Variants in COPA observed in about 807,000 individuals in gnomAD.
COPA encodes coatomer subunit alpha.
COPA carries 10 observed loss-of-function variants against 158.7 expected under a neutral mutation model. The observed-to-expected ratio is 0.06, with a 90% CI of 0.04 to 0.11. The LOEUF is 0.11. Ranked by LOEUF, COPA falls within the 10% of genes least tolerant of loss-of-function variation. COPA has a pLI of 1.00. For missense variants in COPA, 1,065 were observed against 1,536.7 expected (o/e 0.69, Z 5.13); for synonymous variants, 462 against 542.8 (o/e 0.85, Z 2.07).
chr1:160,307,188 A>T lies in COPA; in HGVS notation c.1277T>A (p.Phe426Tyr). Residue 426 changes from phenylalanine to tyrosine, a missense_variant, in exon 14 of 33, where the codon TTT becomes TAT. This residue lies in a region of COPA where 980 missense variants were observed against 1,357.8 expected (regional missense o/e 0.72). Transcript: ENST00000241704. ...CGAATGCATCCGATCTAGGACAGCA[A>T]ACCGATTTCGAGCGACCCAAACGGC... is the stretch of plus-strand genomic sequence containing the variant. ...LTAVWVARNR[F>Y]AVLDRMHSLL... 6.2e-7 allele frequency: 1 copy of T among 1,614,230 alleles called. No homozygotes were observed. The highest frequency in any genetic ancestry group is 8.5e-7 in the Non-Finnish European group (1 of 1,180,036).
chr1:160,339,705 A>AT, intron 3 of COPA: 1 of 500,788 alleles, frequency 2.0e-6, no homozygotes. Flanking sequence ...TTTCTTATTT[A>AT]TTTTTGAATT....
At chr1:160,331,912 C>A (rs970579987) in intron 6 of COPA, among the ~76,000 whole-genome samples, 1 of 151,436 alleles carries the variant, frequency 6.6e-6, no homozygotes, top group East Asian at 1.9e-4. Context: ...CACACCACTG[C>A]GCTCCAGCCT....
intron 25 of COPA, among the ~76,000 whole-genome samples, chr1:160,294,272 C>G (rs965722849): frequency 3.3e-5 from 5 of 152,184 alleles, no homozygotes; most frequent in Admixed American, 1.3e-4. Context: ...GGATTACAGG[C>G]ATGAGTCACC....
At chr1:160,309,054 G>T in intron 13 of COPA, 47 bp downstream of exon 13, 1 of 1,444,536 alleles carries the variant, frequency 6.9e-7, no homozygotes, top group Non-Finnish European at 9.7e-7. Context: ...TATGATGCGG[G>T]TGAGGAGAGC....
At chr1:160,338,091 A>T (rs1647857772) in intron 3 of COPA, among the ~76,000 whole-genome samples, 1 of 152,242 alleles carries the variant, frequency 6.6e-6, no homozygotes, top group Non-Finnish European at 1.5e-5. Context: ...TTTCTTTTCC[A>T]AAATATTAGT....
chr1:160,337,579 C>T lies in COPA; in HGVS notation c.229-2257G>A, dbSNP rs1272165387. On this transcript the variant is annotated intron_variant, in intron 3 of 32. Coordinates refer to ENST00000241704, the MANE Select transcript of COPA (RefSeq NM_004371.4). Reference sequence around the variant, plus strand: ...TACTAAAAATACAAAATTAGCCGGGCTTGGTGGCGCATGCCTGTAATTCCA... The same window carrying T: ...TACTAAAAATACAAAATTAGCCGGGTTTGGTGGCGCATGCCTGTAATTCCA... Among the ~76,000 whole-genome samples, 3 of 152,102 alleles carry T rather than the reference C, an allele frequency of 2.0e-5. No homozygotes were observed. The East Asian group carries it at 5.8e-4, about 29-fold the overall frequency.
chr1:160,308,893 T>C lies in COPA; in HGVS notation c.1219+208A>G, dbSNP rs976989514. ...TTTCTAATAACCAAATTATAAAATA[T>C]ATATATCTAGCTGGGGTAATAAAAT... On this transcript the variant is annotated intron_variant, in intron 13 of 32. Coordinates refer to ENST00000241704, the MANE Select transcript of COPA (RefSeq NM_004371.4). 9 of 485,634 alleles carry C rather than the reference T, an allele frequency of 1.9e-5. No homozygotes were observed. In the South Asian group the frequency reaches 3.3e-4, roughly 18 times the overall value. The allele number at this position is 485,634 out of a possible 1,614,324, so 30.1% of individuals were successfully genotyped here.
At position 160,290,563 on chromosome 1, in the gene COPA, C is replaced by G; in HGVS notation, c.3544G>C (p.Val1182Leu). 1 of 1,614,238 alleles carries G rather than the reference C, an allele frequency of 6.2e-7. No homozygotes were observed. The highest frequency in any genetic ancestry group is 8.5e-7 in the Non-Finnish European group (1 of 1,180,034). The stretch of plus-strand genomic sequence containing the variant: ...GCCCCACTGAGTGGACACTTTTCTA[C>G]TGGCTTTCCACGGTAGATGGGCCGA... ...SYRPIYRGKP[V>L]EKCPLSGACY... The change falls in exon 32 of 33, where the codon GTA (valine) becomes CTA (leucine). Residue 1182 changes from valine to leucine, a missense_variant. Transcript: ENST00000241704.
At chr1:160,335,883 C>CAAA (rs10562824) in intron 3 of COPA, among the ~76,000 whole-genome samples, 19 of 67,982 alleles carry the variant, frequency 2.8e-4, no homozygotes, top group East Asian at 4.4e-4. Context: ...GACTCAGTCT[C>CAAA]AAAAAAAAAA....
At chr1:160,335,151 A>G in intron 4 of COPA, 91 bp downstream of exon 4, 2 of 1,169,260 alleles carry the variant, frequency 1.7e-6, no homozygotes, top group Non-Finnish European at 2.4e-6. Context: ...AAACAACTCT[A>G]TTATTAAAAC....
chr1:160,329,735 TAGA>T (rs1256380043), intron 6 of COPA, among the ~76,000 whole-genome samples: 12 of 152,240 alleles, frequency 7.9e-5, no homozygotes, highest in African/African-American at 2.9e-4. Context: ...ATACCATTCT[TAGA>T]AGAACTACGA....
intron 1 of COPA, 106 bp downstream of exon 1, chr1:160,343,025 T>C: frequency 7.3e-7 from 1 of 1,367,862 alleles, no homozygotes; most frequent in East Asian, 2.3e-5. Flanking sequence ...TCCGGGTCCG[T>C]CTGGTGGGCC....
In COPA at chr1:160,313,067, A is replaced by G. The variant is rs200512734; in HGVS notation, c.925+18T>C. Reference sequence around the variant, plus strand: ...ACTTTGAATTAAGCAAAGAAAAAAGAGAGAAAATGGCCCTTACCTGCTGCA... The same window carrying G: ...ACTTTGAATTAAGCAAAGAAAAAAGGGAGAAAATGGCCCTTACCTGCTGCA... On this transcript the variant is annotated intron_variant, in intron 10 of 32. Coordinates refer to ENST00000241704, the MANE Select transcript of COPA (RefSeq NM_004371.4). The G allele has an allele frequency of 3.1e-4, 500 of 1,606,850 alleles. No homozygotes were observed. The highest frequency in any genetic ancestry group is 3.2e-5 in the Non-Finnish European group (38 of 1,175,972).
Position 160,317,378 on chromosome 1 carries a change from C to A in COPA, c.707-3253G>T. 5 of 1,600,358 alleles carry A rather than the reference C, an allele frequency of 3.1e-6. No individual in the cohort carries two copies. In the South Asian group the frequency reaches 4.4e-5, roughly 14 times the overall value. On this transcript the variant is annotated intron_variant, in intron 8 of 32. Coordinates refer to ENST00000241704, the MANE Select transcript of COPA (RefSeq NM_004371.4). ...CCCGAGGCCGCTGCTGTGCGGAGACCCCCGGGTGAAGCCACTGTCATCATG... is the reference window on the plus strand; with the variant it reads ...CCCGAGGCCGCTGCTGTGCGGAGACACCCGGGTGAAGCCACTGTCATCATG...
At position 160,295,639 on chromosome 1, in the gene COPA, A is replaced by C. The variant is rs577097175; in HGVS notation, c.2476+97T>G. The C allele has an allele frequency of 6.4e-5, 81 of 1,270,892 alleles. No homozygotes were observed. The African/African-American group carries it at 1.1e-3, about 18-fold the overall frequency. The allele number at this position is 1,270,892 out of a possible 1,614,324, so 78.7% of individuals were successfully genotyped here. ...AATATTCCATTAGGCTCCATGCAGA[A>C]AAAAAGGACAAGTTAAACTAAATGC... On this transcript the variant is annotated intron_variant, in intron 23 of 32. Transcript: ENST00000241704.
chr1:160,309,116 A>G lies in COPA; in HGVS notation c.1204T>C (p.Ser402Pro). The G allele has an allele frequency of 6.2e-7, 1 of 1,613,610 alleles. No homozygotes were observed. The highest frequency in any genetic ancestry group is 1.3e-5 in the African/African-American group (1 of 75,038). Residue 402 changes from serine (S) to proline (P), a missense_variant, in exon 13 of 33, where the codon TCC (serine) becomes CCC (proline). Coordinates refer to ENST00000241704, the MANE Select transcript of COPA (RefSeq NM_004371.4). ...GAACACTTACCATCAGGATTCTGGG[A>G]GTCAGCATCTTTAGGGATGGTGTAC... is the stretch of plus-strand genomic sequence containing the variant. ...DLYTIPKDADSQNPDAPEGKR... is the reference protein window; with the variant it reads ...DLYTIPKDADPQNPDAPEGKR...
rs768460182 is a variant in COPA at position 160,291,820 on chromosome 1, T to A, written c.3257A>T (p.Glu1086Val). The A allele has an allele frequency of 6.2e-7, 1 of 1,614,018 alleles. No individual in the cohort carries two copies. The highest frequency in any genetic ancestry group is 8.5e-7 in the Non-Finnish European group (1 of 1,179,930). The change falls in exon 30 of 33, where the codon GAG (glutamate) becomes GTG (valine). Residue 1086 changes from glutamate to valine, a missense_variant and splice_region_variant. Glu to Val is a moderately radical substitution (Grantham distance 121, BLOSUM62 -2). This residue lies in a region of COPA where 980 missense variants were observed against 1,357.8 expected (regional missense o/e 0.72). Coordinates refer to ENST00000241704, the MANE Select transcript of COPA (RefSeq NM_004371.4). ...ETLEQQKRIC[E>V]MAAYFTHSNL... The stretch of plus-strand genomic sequence containing the variant: ...TGCTCAGGGTCCTATAGATCTTACC[T>A]CACAGATGCGCTTCTGCTGTTCTAG...
At chr1:160,314,459 C>T (rs1427234897) in intron 8 of COPA, among the ~76,000 whole-genome samples, 1 of 152,016 alleles carries the variant, frequency 6.6e-6, no homozygotes, top group Non-Finnish European at 1.5e-5. Flanking sequence ...TAAAAAACCC[C>T]ATCTCTACAA....
intron 17 of COPA, among the ~76,000 whole-genome samples, chr1:160,304,363 C>T (rs964470438): frequency 3.3e-5 from 5 of 150,782 alleles, no homozygotes; most frequent in Non-Finnish European, 7.4e-5. Context: ...TTGGTACAAT[C>T]ACTTTGAAAA....
Sources: allele counts gnomAD v4.1 joint callset (sites outside exome capture counted in the v4.1 genomes callset), GRCh38; gene constraint gnomAD v4.1.1; regional missense constraint gnomAD v4.1.1; transcripts MANE v1.5; gene names NCBI Gene and HGNC (gene_info 2026-07-23, HGNC 2026-07-21).